Variants in SLCO1B1 observed in about 807,000 individuals in gnomAD.
The protein encoded by SLCO1B1 is OATP-2.
Under a neutral mutation model 70.1 loss-of-function variants are expected in SLCO1B1, and 81 were observed. The ratio of observed to expected loss-of-function variants is 1.16; its 90% CI spans 0.97 to 1.39. The LOEUF is 1.39. Ranked by LOEUF, SLCO1B1 falls within the 40% of genes most tolerant of loss-of-function variation. The pLI is 0.00. For synonymous variants in SLCO1B1, 283 were observed against 271.5 expected (o/e 1.04, Z -0.42); for missense variants, 895 against 799.6 (o/e 1.12, Z -1.44).
At chr12:21,164,825 T>A (rs1940664773) in intron 2 of SLCO1B1, 2 of 491,894 alleles carry the variant, frequency 4.1e-6, no homozygotes, top group African/African-American at 3.9e-5. Flanking sequence ...AAGGTCAGAA[T>A]AGTCCCTTTT....
In SLCO1B1 at chr12:21,132,975, T is replaced by G. The variant is rs557018144; in HGVS notation, c.-62+1739T>G. Among the ~76,000 whole-genome samples, 1,116 of 152,036 alleles carry G rather than the reference T, an allele frequency of 7.3e-3. 11 individuals are homozygous for G. The highest frequency in any genetic ancestry group is 0.025 in the African/African-American group (1,053 of 41,454). On this transcript the variant is annotated intron_variant, in intron 1 of 14. Coordinates refer to ENST00000256958, the MANE Select transcript of SLCO1B1 (RefSeq NM_006446.5). Reference sequence around the variant, plus strand: ...GTTTTTATGGTTTTAGGTCTAACATTTAAGTCTTTAATCCATCTTGAATTA... The same window carrying G: ...GTTTTTATGGTTTTAGGTCTAACATGTAAGTCTTTAATCCATCTTGAATTA...
At chr12:21,141,427 T>C (rs916605718) in intron 1 of SLCO1B1, 87 bp from the exon 2 acceptor site, 4 of 539,078 alleles carry the variant, frequency 7.4e-6, no homozygotes, top group South Asian at 1.9e-5. Context: ...GAATGGTTGA[T>C]TGATTGATGA....
At chr12:21,215,629 A>G (rs896017198) in intron 11 of SLCO1B1, among the ~76,000 whole-genome samples, 1 of 152,106 alleles carries the variant, frequency 6.6e-6, no homozygotes, top group Non-Finnish European at 1.5e-5. Context: ...ATTCATCTAT[A>G]TTCACCAGGG....
At chr12:21,203,476 A>G (rs1941180596) in intron 10 of SLCO1B1, among the ~76,000 whole-genome samples, 1 of 152,056 alleles carries the variant, frequency 6.6e-6, no homozygotes, top group Non-Finnish European at 1.5e-5. Flanking sequence ...AGATGCTCAG[A>G]TCACAATTCA....
intron 2 of SLCO1B1, among the ~76,000 whole-genome samples, chr12:21,147,697 G>T (rs112557506): frequency 2.0e-5 from 3 of 152,098 alleles, no homozygotes; most frequent in African/African-American, 7.2e-5. Context: ...GGGCATTTGG[G>T]TTGGTTCCAA....
chr12:21,200,982 T>A (rs1016841233), intron 9 of SLCO1B1, among the ~76,000 whole-genome samples: 1 of 152,106 alleles, frequency 6.6e-6, no homozygotes, highest in Non-Finnish European at 1.5e-5. Flanking sequence ...CAAACCCTTT[T>A]GTAATTATAA....
chr12:21,210,586 A>C (rs1457510522), intron 11 of SLCO1B1, among the ~76,000 whole-genome samples: 1 of 148,916 alleles, frequency 6.7e-6, no homozygotes, highest in Admixed American at 6.7e-5. Flanking sequence ...GTATTTTCCA[A>C]TTCTGTGAAG....
chr12:21,171,423 A>G (rs1383734364), intron 2 of SLCO1B1, among the ~76,000 whole-genome samples: 1 of 152,194 alleles, frequency 6.6e-6, no homozygotes, highest in East Asian at 1.9e-4. Flanking sequence ...TTATGGTCTC[A>G]TAGGTTATTG....
chr12:21,178,452 A>G lies in SLCO1B1; in HGVS notation c.482-124A>G, dbSNP rs561808252. ...TTGTCAAAGTTTGCAAAGTGAATAT[A>G]AATTACTTGTACTTGTAAATTAAAA... On this transcript the variant is annotated intron_variant, in intron 5 of 14. Transcript: ENST00000256958. The G allele has an allele frequency of 1.8e-3, 1,195 of 647,724 alleles. 29 individuals are homozygous for G. The South Asian group carries it at 0.022, about 12-fold the overall frequency. The allele number at this position is 647,724 out of a possible 1,614,324, so 40.1% of individuals were successfully genotyped here.
chr12:21,159,380 C>G (rs1253274034), intron 2 of SLCO1B1, among the ~76,000 whole-genome samples: 1 of 151,930 alleles, frequency 6.6e-6, no homozygotes, highest in Admixed American at 6.6e-5. Flanking sequence ...TATTTTAATA[C>G]AGGTCTCATT....
At chr12:21,156,647 A>C (rs1291956681) in intron 2 of SLCO1B1, among the ~76,000 whole-genome samples, 2 of 152,188 alleles carry the variant, frequency 1.3e-5, no homozygotes, top group Non-Finnish European at 2.9e-5. Flanking sequence ...AAGATAAAGC[A>C]AAACAATGTA....
intron 11 of SLCO1B1, among the ~76,000 whole-genome samples, chr12:21,207,106 G>T (rs1204660573): frequency 6.6e-6 from 1 of 151,690 alleles, no homozygotes; most frequent in African/African-American, 2.4e-5. Context: ...TTCCTTTGCT[G>T]TTTATTTTTA....
At chr12:21,222,880 G>A (rs759023338) in intron 13 of SLCO1B1, among the ~76,000 whole-genome samples, 6 of 152,030 alleles carry the variant, frequency 3.9e-5, no homozygotes, top group East Asian at 3.9e-4. Flanking sequence ...TCTAAGAAGC[G>A]TATTTGATGA....
chr12:21,193,030 T>G (rs1414796235), intron 7 of SLCO1B1, among the ~76,000 whole-genome samples: 1 of 152,168 alleles, frequency 6.6e-6, no homozygotes. Flanking sequence ...TGATACTAAT[T>G]TCCAGTTTTA....
chr12:21,194,088 G>A lies in SLCO1B1; in HGVS notation c.728-2858G>A, dbSNP rs117597329. ...TTACAGGCGTGAGCCACCGTGCCCG[G>A]CCAAGTCATCACCCTTTATTTCAGA... On this transcript the variant is annotated intron_variant, in intron 7 of 14. Transcript: ENST00000256958. Among the ~76,000 whole-genome samples, 3,168 of 152,136 alleles carry A rather than the reference G, an allele frequency of 0.021. 305 individuals carry two copies. The East Asian group carries it at 0.32, about 15-fold the overall frequency.
chr12:21,214,795 C>G (rs750616755), intron 11 of SLCO1B1, among the ~76,000 whole-genome samples: 9 of 152,152 alleles, frequency 5.9e-5, no homozygotes, highest in Non-Finnish European at 8.8e-5. Context: ...CTCGGAAAAG[C>G]GCAGTATTCG....
chr12:21,134,341 G>A (rs1229657976), intron 1 of SLCO1B1, among the ~76,000 whole-genome samples: 1 of 152,130 alleles, frequency 6.6e-6, no homozygotes, highest in Non-Finnish European at 1.5e-5. Context: ...GATGATGCTG[G>A]CCTCATAAAA....
chr12:21,216,853 G>A (rs1014721338), intron 11 of SLCO1B1, among the ~76,000 whole-genome samples: 1 of 152,134 alleles, frequency 6.6e-6, no homozygotes, highest in Non-Finnish European at 1.5e-5. Context: ...TGTATACAGA[G>A]TTCTAGGCAC....
chr12:21,176,659 C>T, intron 4 of SLCO1B1, 117 bp from the exon 5 acceptor site: 1 of 799,416 alleles, frequency 1.3e-6, no homozygotes, highest in South Asian at 1.5e-5. Flanking sequence ...AGAAAGTACT[C>T]TGGTAATTTG....
Sources: allele counts gnomAD v4.1 joint callset (sites outside exome capture counted in the v4.1 genomes callset), GRCh38; gene constraint gnomAD v4.1.1; transcripts MANE v1.5; gene names NCBI Gene and HGNC (gene_info 2026-07-23, HGNC 2026-07-21).